Variants in RBM20 observed in about 807,000 individuals in gnomAD.
RBM20 encodes RNA-binding protein 20.
In RBM20, 51 loss-of-function variants were observed where a neutral mutation model predicts 110.1. That is an observed-to-expected ratio of 0.46 (90% CI 0.37 to 0.59). The LOEUF (loss-of-function observed/expected upper bound fraction) is 0.59, where lower values mean the gene tolerates loss of function less well. RBM20 is among the 20% of genes least tolerant of loss of function. RBM20 has a pLI of 0.00. For missense variants in RBM20, 1,512 were observed against 1,574.9 expected, an observed-to-expected ratio of 0.96 and a Z score of 0.68; for synonymous variants, 589 against 618.2, an observed-to-expected ratio of 0.95 and a Z score of 0.70.
intron 12 of RBM20, among the ~76,000 whole-genome samples, chr10:110,829,689 C>T (rs1052951236): frequency 6.6e-6 from 1 of 152,210 alleles, no homozygotes; most frequent in South Asian, 2.1e-4. Flanking sequence ...AGCTCAGTGT[C>T]CTGGGAGGTG....
intron 1 of RBM20, among the ~76,000 whole-genome samples, chr10:110,682,261 A>G (rs780419219): frequency 3.3e-5 from 5 of 152,172 alleles, no homozygotes; most frequent in African/African-American, 1.2e-4. Context: ...TCATGTCTCC[A>G]TTAGCATCCT....
At chr10:110,674,088 G>GATAT (rs1862298811) in intron 1 of RBM20, among the ~76,000 whole-genome samples, 1 of 152,080 alleles carries the variant, frequency 6.6e-6, no homozygotes. Flanking sequence ...GAAGAGAGAC[G>GATAT]ATATCTCTTT....
intron 1 of RBM20, among the ~76,000 whole-genome samples, chr10:110,692,279 T>C (rs1862596643): frequency 6.6e-6 from 1 of 152,190 alleles, no homozygotes; most frequent in African/African-American, 2.4e-5. Context: ...ATGTGAAGTT[T>C]AGGATAAATT....
At chr10:110,760,120 T>C (rs1468238275) in intron 1 of RBM20, among the ~76,000 whole-genome samples, 4 of 152,238 alleles carry the variant, frequency 2.6e-5, no homozygotes, top group African/African-American at 7.2e-5. Context: ...AATGAGTACC[T>C]GTGATGACTG....
intron 1 of RBM20, among the ~76,000 whole-genome samples, chr10:110,771,651 A>G (rs914921451): frequency 2.6e-5 from 4 of 152,244 alleles, no homozygotes; most frequent in African/African-American, 9.6e-5. Flanking sequence ...TGAAAGGGAC[A>G]TCAGTGCACA....
intron 1 of RBM20, among the ~76,000 whole-genome samples, chr10:110,691,704 T>A (rs1164934016): frequency 1.3e-5 from 2 of 152,226 alleles, no homozygotes; most frequent in Non-Finnish European, 2.9e-5. Context: ...TTGCATATAT[T>A]TTCTTCCACT....
chr10:110,835,621 C>T, intron 13 of RBM20: 1 of 286,224 alleles, frequency 3.5e-6, no homozygotes, highest in Non-Finnish European at 6.5e-6. Flanking sequence ...AGGTGTGAGA[C>T]ACCACGCTCG....
chr10:110,677,900 A>C (rs1365480916), intron 1 of RBM20, among the ~76,000 whole-genome samples: 1 of 152,164 alleles, frequency 6.6e-6, no homozygotes, highest in African/African-American at 2.4e-5. Flanking sequence ...CACCCTCTAG[A>C]TGTTGCTCCT....
chr10:110,653,378 C>T (rs985333078), intron 1 of RBM20, among the ~76,000 whole-genome samples: 1 of 152,104 alleles, frequency 6.6e-6, no homozygotes, highest in African/African-American at 2.4e-5. Flanking sequence ...TGAGTGTGCT[C>T]TCTCTTGCTT....
At chr10:110,701,419 G>C (rs913812022) in intron 1 of RBM20, among the ~76,000 whole-genome samples, 1 of 151,986 alleles carries the variant, frequency 6.6e-6, no homozygotes, top group Admixed American at 6.6e-5. Flanking sequence ...AATGGTACTC[G>C]CATCAGCCTG....
At chr10:110,730,847 AG>A (rs1474110673) in intron 1 of RBM20, among the ~76,000 whole-genome samples, 1 of 152,220 alleles carries the variant, frequency 6.6e-6, no homozygotes, top group Non-Finnish European at 1.5e-5. Context: ...ATCAGGAAGA[AG>A]GAGGAGGGAG....
At chr10:110,647,223 T>C (rs1248258011) in intron 1 of RBM20, among the ~76,000 whole-genome samples, 2 of 152,228 alleles carry the variant, frequency 1.3e-5, no homozygotes, top group Non-Finnish European at 2.9e-5. Context: ...TGCCGTATAC[T>C]ACATTTACAA....
intron 1 of RBM20, among the ~76,000 whole-genome samples, chr10:110,709,413 G>A (rs1307721866): frequency 6.6e-6 from 1 of 152,132 alleles, no homozygotes; most frequent in Non-Finnish European, 1.5e-5. Flanking sequence ...GCCCACACTG[G>A]CCAGCATTGC....
intron 13 of RBM20, 124 bp downstream of exon 13, chr10:110,831,306 C>T: frequency 2.0e-6 from 2 of 978,198 alleles, no homozygotes; most frequent in East Asian, 2.8e-5. Context: ...AGGCCTACTC[C>T]AGGCCACAGG....
intron 1 of RBM20, among the ~76,000 whole-genome samples, chr10:110,713,512 C>T (rs1020045509): frequency 2.6e-5 from 4 of 152,188 alleles, no homozygotes; most frequent in African/African-American, 9.7e-5. Context: ...TCCCTTATGA[C>T]ACTTTGCACG....
chr10:110,816,576 AT>A (rs1844844101), intron 9 of RBM20, among the ~76,000 whole-genome samples: 1 of 151,894 alleles, frequency 6.6e-6, no homozygotes, highest in African/African-American at 2.4e-5. Flanking sequence ...TTTTGGTGGC[AT>A]TTACCACCTT....
chr10:110,781,469 C>T lies in RBM20; in HGVS notation c.860C>T (p.Ser287Phe), dbSNP rs1844346532. ...TCCAAAGATTTTTACGGACCCAACTCCCAAGGTTCACATGTGGCCAGCGGA... is the reference window on the plus strand; with the variant it reads ...TCCAAAGATTTTTACGGACCCAACTTCCAAGGTTCACATGTGGCCAGCGGA... ...AFSKDFYGPNSQGSHVASGFP... is the reference protein window; with the variant it reads ...AFSKDFYGPNFQGSHVASGFP... The change falls in exon 2 of 14, where the codon TCC becomes TTC. Residue 287 changes from serine (S) to phenylalanine (F), a missense_variant. By Grantham distance (155) the Ser-to-Phe change is radical (BLOSUM62 -2). Coordinates refer to ENST00000369519, the MANE Select transcript of RBM20 (RefSeq NM_001134363.3). 1 of 1,551,558 alleles carries T rather than the reference C, an allele frequency of 6.4e-7. No individual in the cohort carries two copies. The highest frequency in any genetic ancestry group is 8.7e-7 in the Non-Finnish European group (1 of 1,147,006).
chr10:110,765,428 A>C (rs1844066961), intron 1 of RBM20, among the ~76,000 whole-genome samples: 1 of 152,076 alleles, frequency 6.6e-6, no homozygotes, highest in African/African-American at 2.4e-5. Context: ...ATAGCTTCTG[A>C]GCACCCCTGA....
intron 1 of RBM20, among the ~76,000 whole-genome samples, chr10:110,670,400 C>T (rs574353732): frequency 5.9e-5 from 9 of 152,270 alleles, no homozygotes; most frequent in South Asian, 4.1e-4. Context: ...TTAGACTGCC[C>T]GTTGGTGAGA....
Sources: gnomAD v4.1 joint callset for allele counts (sites outside exome capture counted in the v4.1 genomes callset) on GRCh38, gnomAD v4.1.1 for gene constraint, MANE v1.5 for transcripts, NCBI Gene and HGNC (gene_info 2026-07-23, HGNC 2026-07-21) for gene names.